COL27A1: variants seen among roughly 807,000 people sequenced by gnomAD.
The protein encoded by COL27A1 is collagen type XXVII alpha 1 chain.
A neutral mutation model predicts 251.3 loss-of-function variants in COL27A1; 106 were observed. That is an observed-to-expected ratio of 0.42 (90% CI 0.36 to 0.50). The LOEUF (loss-of-function observed/expected upper bound fraction) is 0.50. COL27A1 is among the 20% of genes least tolerant of loss of function. The pLI is 0.00. For synonymous variants in COL27A1, 1,000 were observed against 986.3 expected (o/e 1.01, Z -0.26); for missense variants, 2,325 against 2,522.8 (o/e 0.92, Z 1.68).
chr9:114,310,562 G>T lies in COL27A1; in HGVS notation c.5450G>T (p.Arg1817Leu), dbSNP rs200142542. Residue 1817 changes from arginine (R) to leucine (L), a missense_variant, in exon 61 of 61, where the codon CGC (arginine) becomes CTC (leucine). Around this residue, in one of 4 missense-constraint regions of COL27A1, gnomAD observed 327 missense variants for 442.8 expected, o/e 0.74. Transcript: ENST00000356083. The stretch of plus-strand genomic sequence containing the variant: ...TTCTGCCTTCAGGTCCAAGATGGCC[G>T]CTGGCATCAGACACTCTTCACCTTC... The part of the protein sequence containing the change: ...SMDGCKVQDG[R>L]WHQTLFTFRT... 1 of 1,614,146 alleles carries T rather than the reference G, an allele frequency of 6.2e-7. No individual in the cohort carries two copies. Among genetic ancestry groups the T allele is most frequent in the Non-Finnish European group, 8.5e-7 (1 of 1,180,024 alleles).
rs80200998 is a variant in COL27A1 at position 114,161,955 on chromosome 9, G to A, written c.63-760G>A. On this transcript the variant is annotated intron_variant, in intron 1 of 60. Transcript: ENST00000356083. The stretch of plus-strand genomic sequence containing the variant: ...ATGAGCTTATTGAATCCTCATGCCC[G>A]GCCTGTGAGATAGGGAATATCAGCC... Among the ~76,000 whole-genome samples the A allele has an allele frequency of 6.6e-3, 1,004 of 152,312 alleles. 17 individuals carry two copies. The highest frequency in any genetic ancestry group is 0.023 in the African/African-American group (939 of 41,572).
intron 27 of COL27A1, among the ~76,000 whole-genome samples, chr9:114,257,497 G>A (rs1192697040): frequency 5.9e-5 from 9 of 152,034 alleles, no homozygotes; most frequent in Admixed American, 1.3e-4. Flanking sequence ...AGTGTCTGTC[G>A]TGCACCTGTG....
intron 56 of COL27A1, among the ~76,000 whole-genome samples, chr9:114,302,753 G>A (rs10982139): frequency 0.15 from 22,670 of 150,402 alleles, 1,817 homozygotes; most frequent in Non-Finnish European, 0.18. Context: ...AAAGAGAGTC[G>A]GGCCAGGGGG....
In COL27A1 at chr9:114,169,427, G is replaced by T; in HGVS notation, c.1872G>T (p.Met624Ile). 1 of 1,569,574 alleles carries T rather than the reference G, an allele frequency of 6.4e-7. No homozygotes were observed. Reference sequence around the variant, plus strand: ...GATCTACGCCTTTCCCTCTGCTGATGGGGCCTCCGGGACCCAAGGGAGACT... The same window carrying T: ...GATCTACGCCTTTCCCTCTGCTGATTGGGCCTCCGGGACCCAAGGGAGACT... ...LAGSTPFPLL[M>I]GPPGPKGDCG... is the part of the protein sequence containing the mutation. Residue 624 changes from methionine to isoleucine, a missense_variant, in exon 3 of 61, where the codon ATG (methionine) becomes ATT (isoleucine). Around this residue, in one of 4 missense-constraint regions of COL27A1, gnomAD observed 1,183 missense variants for 1,144.1 expected, o/e 1.03. Coordinates refer to ENST00000356083, the MANE Select transcript of COL27A1 (RefSeq NM_032888.4).
intron 10 of COL27A1, among the ~76,000 whole-genome samples, chr9:114,208,579 A>T (rs1003017557): frequency 6.6e-6 from 1 of 152,256 alleles, no homozygotes; most frequent in Non-Finnish European, 1.5e-5. Context: ...CTCAATAAAC[A>T]TTAGCTTTTG....
At chr9:114,301,493 C>A (rs200811889) in intron 54 of COL27A1, 31 bp downstream of exon 54, 54 of 501,062 alleles carry the variant, frequency 1.1e-4, no homozygotes, top group Non-Finnish European at 2.0e-4. Flanking sequence ...GGCTGTGGGG[C>A]GGGGCGTGGG....
intron 7 of COL27A1, among the ~76,000 whole-genome samples, chr9:114,200,118 G>A (rs10817579): frequency 9.5e-4 from 144 of 152,232 alleles, no homozygotes; most frequent in Non-Finnish European, 1.7e-3. Flanking sequence ...TGTGATGGAG[G>A]CTGCCTGAGA....
chr9:114,278,904 G>T (rs1406295047), intron 37 of COL27A1, among the ~76,000 whole-genome samples: 1 of 152,104 alleles, frequency 6.6e-6, no homozygotes, highest in Middle Eastern at 3.2e-3. Flanking sequence ...GGCCTTTCCA[G>T]AAATGCATCT....
In COL27A1 at chr9:114,169,091, G is replaced by A. The variant is rs370622268; in HGVS notation, c.1536G>A (p.Ser512=). 8.1e-6 allele frequency: 13 copies of A among 1,613,702 alleles called. No homozygotes were observed. Among genetic ancestry groups the A allele is most frequent in the African/African-American group, 2.7e-5 (2 of 74,800 alleles). ...RPPATMVPPT[S]GTSTPRTAPA... ...CAGCCACGATGGTACCTCCAACTTCGGGCACCAGCACTCCCAGAACAGCAC... is the reference window on the plus strand; with the variant it reads ...CAGCCACGATGGTACCTCCAACTTCAGGCACCAGCACTCCCAGAACAGCAC... Residue 512 remains serine (S), a synonymous_variant, in exon 3 of 61, where the codon TCG becomes TCA. Coordinates refer to ENST00000356083, the MANE Select transcript of COL27A1 (RefSeq NM_032888.4).
In COL27A1 at chr9:114,300,627, C is replaced by A; in HGVS notation, c.4641C>A (p.Gly1547=). The part of the protein sequence containing the change: ...PGMAGLFGPK[G]PPGDIGFKGI... ...AGCCCTTTCTCTGCCTCCCACAGGG[C>A]CCGCCTGGAGACATTGGCTTCAAAG... The change falls in exon 51 of 61, where the codon GGC becomes GGA. Residue 1547 remains glycine (G), a splice_region_variant and synonymous_variant. Transcript: ENST00000356083. 1.3e-6 allele frequency: 2 copies of A among 1,536,222 alleles called. No individual in the cohort carries two copies. The highest frequency in any genetic ancestry group is 1.3e-5 in the South Asian group (1 of 79,570).
Position 114,252,612 on chromosome 9 carries a change from G to A in COL27A1, c.3053G>A (p.Gly1018Glu). 8 of 1,613,996 alleles carry A rather than the reference G, an allele frequency of 5.0e-6. No individual in the cohort carries two copies. Among genetic ancestry groups the A allele is most frequent in the Non-Finnish European group, 6.8e-6 (8 of 1,180,036 alleles). ...VGEKGDRGMM[G>E]PPGVPGPKGS... ...TCACAGGGTGATCGTGGCATGATGG[G>A]ACCCCCAGGCGTGCCTGGACCCAAG... Residue 1018 changes from glycine to glutamate, a missense_variant, in exon 26 of 61, where the codon GGA (glycine) becomes GAA (glutamate). Gly to Glu is a moderately conservative substitution (Grantham distance 98, BLOSUM62 -2). Around this residue, in one of 4 missense-constraint regions of COL27A1, gnomAD observed 662 missense variants for 795.3 expected, o/e 0.83. Transcript: ENST00000356083.
intron 14 of COL27A1, among the ~76,000 whole-genome samples, chr9:114,223,390 G>A (rs1003515777): frequency 1.3e-5 from 2 of 152,188 alleles, no homozygotes; most frequent in African/African-American, 2.4e-5. Context: ...GAACCCCATC[G>A]CTCAGGGAAG....
chr9:114,246,162 TTGGTGCATTTG>T, intron 24 of COL27A1: 1 of 439,392 alleles, frequency 2.3e-6, no homozygotes, highest in Non-Finnish European at 4.0e-6. Flanking sequence ...ACACAGGTTT[TTGGTGCATTTG>T]CCCAAAGAGG....
intron 14 of COL27A1, among the ~76,000 whole-genome samples, chr9:114,226,724 G>A (rs568768323): frequency 2.0e-5 from 3 of 152,230 alleles, no homozygotes; most frequent in Non-Finnish European, 4.4e-5. Context: ...ATAAGTGAGC[G>A]TGTTTAGCTT....
intron 43 of COL27A1, 62 bp downstream of exon 43, chr9:114,288,817 A>G: frequency 6.2e-7 from 1 of 1,601,916 alleles, no homozygotes; most frequent in Non-Finnish European, 8.5e-7. Context: ...GGGGGATGAC[A>G]CATGTCTAGA....
upstream of COL27A1, among the ~76,000 whole-genome samples, chr9:114,154,538 C>T (rs1848019244): frequency 1.3e-5 from 2 of 152,084 alleles, no homozygotes; most frequent in African/African-American, 4.8e-5. This position sits in a 1 kb window ranked among gnomAD's most constrained non-coding sequence, Gnocchi z 5.8. Context: ...TGAGGGTGTG[C>T]GCGCGTGTGT....
At chr9:114,298,727 T>C (rs1423529659) in intron 49 of COL27A1, among the ~76,000 whole-genome samples, 1 of 152,206 alleles carries the variant, frequency 6.6e-6, no homozygotes, top group Non-Finnish European at 1.5e-5. Flanking sequence ...TTTATAACCT[T>C]GTGTTAGGTA....
intron 49 of COL27A1, among the ~76,000 whole-genome samples, chr9:114,298,024 G>T (rs1005067095): frequency 3.6e-4 from 54 of 151,872 alleles, no homozygotes; most frequent in African/African-American, 1.3e-3. Flanking sequence ...CAAGAAGCTG[G>T]GCATGGTGGC....
intron 6 of COL27A1, 117 bp downstream of exon 6, chr9:114,194,574 G>A (rs894999188): frequency 1.1e-5 from 10 of 885,570 alleles, no homozygotes; most frequent in Admixed American, 4.5e-5. Flanking sequence ...CAGGGAGGTG[G>A]GAACATCTGG....
Sources: gnomAD v4.1 joint callset for allele counts (sites outside exome capture counted in the v4.1 genomes callset) on GRCh38, gnomAD v4.1.1 for gene constraint, gnomAD v4.1.1 regional missense constraint, Gnocchi (gnomAD v3.1) non-coding constraint, MANE v1.5 for transcripts, NCBI Gene and HGNC (gene_info 2026-07-23, HGNC 2026-07-21) for gene names.